The following DPP10 variants were observed in gnomAD, a reference collection of about 807,000 sequenced individuals.
DPP10 encodes the protein inactive dipeptidyl peptidase 10.
Under a neutral mutation model 120.9 loss-of-function variants are expected in DPP10, and 33 were observed. The observed-to-expected ratio is 0.27, with a 90% CI of 0.21 to 0.37. The LOEUF is 0.37. Ranked by LOEUF, DPP10 falls within the 10% of genes least tolerant of loss-of-function variation. The pLI, the probability that DPP10 is intolerant of heterozygous loss-of-function variation, is 1.00. For missense variants in DPP10, 816 were observed against 942.8 expected (o/e 0.87, Z 1.76); for synonymous variants, 337 against 326.1 (o/e 1.03, Z -0.36).
At chr2:114,645,428 T>C (rs1696044625) in intron 1 of DPP10, among the ~76,000 whole-genome samples, 1 of 152,192 alleles carries the variant, frequency 6.6e-6, no homozygotes, top group South Asian at 2.1e-4. Flanking sequence ...GGAATTTCTC[T>C]CAATTAGCAG....
intron 1 of DPP10, among the ~76,000 whole-genome samples, chr2:114,931,196 T>C (rs1350160531): frequency 6.6e-6 from 1 of 152,200 alleles, no homozygotes; most frequent in Non-Finnish European, 1.5e-5. Flanking sequence ...GTACCAATTT[T>C]CTGTCTTTGC....
At chr2:114,988,212 G>T (rs1044594656) in intron 1 of DPP10, among the ~76,000 whole-genome samples, 4 of 152,208 alleles carry the variant, frequency 2.6e-5, no homozygotes, top group Non-Finnish European at 5.9e-5. Context: ...AAGAGTTCCG[G>T]AGAAGTTTGT....
chr2:114,578,644 A>G (rs1254481596), intron 1 of DPP10, among the ~76,000 whole-genome samples: 2 of 152,180 alleles, frequency 1.3e-5, no homozygotes, highest in African/African-American at 4.8e-5. Context: ...AAATCAGCAC[A>G]CTGACTGCAA....
In DPP10 at chr2:115,310,505, C is replaced by T. The variant is rs1030729321; in HGVS notation, c.175+1152C>T. On this transcript the variant is annotated intron_variant, in intron 2 of 25. Coordinates refer to ENST00000410059, the MANE Select transcript of DPP10 (RefSeq NM_020868.6). ...AATGCAGTTTTTAGATGTTAGTTAA[C>T]ATGTGGAGAGGTTGAGAAAGAAATT... 5.3e-5 allele frequency among the ~76,000 whole-genome samples: 8 copies of T among 151,850 alleles called. No individual in the cohort carries two copies. The East Asian group carries it at 1.2e-3, about 22-fold the overall frequency.
intron 2 of DPP10, among the ~76,000 whole-genome samples, chr2:115,320,944 A>G (rs1237599494): frequency 6.6e-6 from 1 of 152,024 alleles, no homozygotes; most frequent in Non-Finnish European, 1.5e-5. Flanking sequence ...TTTATCAGGG[A>G]ATATCTTGGT....
At chr2:115,210,757 C>T (rs956951310) in intron 1 of DPP10, among the ~76,000 whole-genome samples, 3 of 152,124 alleles carry the variant, frequency 2.0e-5, no homozygotes, top group Non-Finnish European at 2.9e-5. Context: ...ATTTGCATTT[C>T]TCTGATGGCC....
At chr2:114,772,593 G>T (rs142226598) in intron 1 of DPP10, among the ~76,000 whole-genome samples, 1 of 151,814 alleles carries the variant, frequency 6.6e-6, no homozygotes, top group Admixed American at 6.6e-5. Context: ...AACTTTCTCC[G>T]TAATTATTGT....
chr2:115,469,884 GAAAAAAAAAAAAA>G (rs1212190142), intron 3 of DPP10, among the ~76,000 whole-genome samples: 3 of 75,558 alleles, frequency 4.0e-5, no homozygotes, highest in East Asian at 6.6e-4. Context: ...GGCAACAAGA[GAAAAAAAAAAAAA>G]AAGAAAAAAA....
At chr2:115,808,865 T>C (rs569388309) in intron 19 of DPP10, among the ~76,000 whole-genome samples, 44 of 152,322 alleles carry the variant, frequency 2.9e-4, no homozygotes, top group African/African-American at 1.1e-3. Context: ...GCCTTCATCA[T>C]AATCACCGCC....
intron 1 of DPP10, among the ~76,000 whole-genome samples, chr2:114,812,331 G>A (rs1363088828): frequency 1.3e-5 from 2 of 152,078 alleles, no homozygotes; most frequent in South Asian, 4.1e-4. Flanking sequence ...GCTGGTCACG[G>A]TGACTCATGC....
At chr2:114,972,113 T>C (rs972901864) in intron 1 of DPP10, among the ~76,000 whole-genome samples, 4 of 152,224 alleles carry the variant, frequency 2.6e-5, no homozygotes, top group Non-Finnish European at 5.9e-5. Context: ...CTATTCTAGT[T>C]GCCAATCACT....
chr2:115,278,616 A>G (rs1330853269), intron 1 of DPP10, among the ~76,000 whole-genome samples: 1 of 152,056 alleles, frequency 6.6e-6, no homozygotes, highest in African/African-American at 2.4e-5. Context: ...GGAGCTGACT[A>G]TGCAGAGATC....
chr2:115,745,722 T>C (rs1222038148), intron 9 of DPP10, among the ~76,000 whole-genome samples: 1 of 150,722 alleles, frequency 6.6e-6, no homozygotes, highest in East Asian at 1.9e-4. Context: ...TTGCATTTCA[T>C]ATCCTCTAAT....
chr2:115,214,059 G>C (rs1160638269), intron 1 of DPP10, among the ~76,000 whole-genome samples: 1 of 152,146 alleles, frequency 6.6e-6, no homozygotes, highest in African/African-American at 2.4e-5. Flanking sequence ...TTCTGTGTTT[G>C]AGAAACAAGC....
At chr2:115,542,759 G>A (rs2079247192) in intron 5 of DPP10, among the ~76,000 whole-genome samples, 1 of 151,568 alleles carries the variant, frequency 6.6e-6, no homozygotes, top group Non-Finnish European at 1.5e-5. Flanking sequence ...TACAGTTTGT[G>A]GTAACTGCAG....
intron 1 of DPP10, among the ~76,000 whole-genome samples, chr2:114,773,745 C>T (rs1450461131): frequency 6.6e-6 from 1 of 152,004 alleles, no homozygotes; most frequent in East Asian, 1.9e-4. Flanking sequence ...TTACTAAGGT[C>T]CCTTGAAAGT....
chr2:115,389,831 A>AG lies in DPP10; in HGVS notation c.271+45919_271+45920insG, dbSNP rs201564197. Among the ~76,000 whole-genome samples the AG allele has an allele frequency of 0.019, 3 of 156 alleles. No homozygotes were observed. The East Asian group carries it at 0.25, about 13-fold the overall frequency. The allele number at this position is 156 out of a possible 152,430, so 0.1% of individuals were successfully genotyped here. On this transcript the variant is annotated intron_variant, in intron 3 of 25. Transcript: ENST00000410059. ...TGATTACTTATTTGGTAAATATATC[A>AG]ATTTATAGAATTATTCAACCTGGCT... is the stretch of plus-strand genomic sequence containing the variant.
intron 1 of DPP10, among the ~76,000 whole-genome samples, chr2:114,445,393 T>A (rs943218143): frequency 6.6e-6 from 1 of 152,094 alleles, no homozygotes; most frequent in Non-Finnish European, 1.5e-5. Context: ...TTTTCCCCCA[T>A]CAGTATAGTA....
intron 1 of DPP10, among the ~76,000 whole-genome samples, chr2:114,687,274 G>T (rs1449706805): frequency 2.0e-5 from 3 of 151,766 alleles, no homozygotes; most frequent in African/African-American, 7.3e-5. Flanking sequence ...CACCTGAGGG[G>T]GTCTTTAGGA....
Sources: gnomAD v4.1 joint callset for allele counts (sites outside exome capture counted in the v4.1 genomes callset) on GRCh38, gnomAD v4.1.1 for gene constraint, MANE v1.5 for transcripts, NCBI Gene and HGNC (gene_info 2026-07-23, HGNC 2026-07-21) for gene names.